PTER: variants seen among roughly 807,000 people sequenced by gnomAD.
PTER encodes the protein phosphotriesterase related.
PTER carries 38 observed loss-of-function variants against 29.6 expected under a neutral mutation model. The ratio of observed to expected loss-of-function variants is 1.28; its 90% CI spans 0.99 to 1.68. The LOEUF (loss-of-function observed/expected upper bound fraction) is 1.68, where lower values mean the gene tolerates loss of function less well. PTER is among the 40% of genes most tolerant of loss of function. PTER has a pLI of 0.00. For missense variants in PTER, 482 were observed against 427.8 expected, an observed-to-expected ratio of 1.13 and a Z score of -1.12; for synonymous variants, 172 against 154.5, an observed-to-expected ratio of 1.11 and a Z score of -0.84.
At chr10:16,501,521 G>A (rs997148317) in intron 3 of PTER, among the ~76,000 whole-genome samples, 6 of 152,078 alleles carry the variant, frequency 3.9e-5, no homozygotes, top group African/African-American at 1.4e-4. Context: ...CTCTGACTTA[G>A]CAGTTAAAAA....
downstream of PTER, chr10:16,514,516 G>T: frequency 6.2e-7 from 1 of 1,609,592 alleles, no homozygotes; most frequent in Non-Finnish European, 8.5e-7. Flanking sequence ...AATAAGCTTA[G>T]TTTCTGCATT....
chr10:16,462,247 A>G (rs1448864627), intron 1 of PTER, among the ~76,000 whole-genome samples: 5 of 152,066 alleles, frequency 3.3e-5, no homozygotes, highest in Non-Finnish European at 5.9e-5. Context: ...CGGCCTCCCA[A>G]AGTGCTGGGA....
chr10:16,453,378 A>G (rs1834283732), intron 1 of PTER, among the ~76,000 whole-genome samples: 1 of 152,202 alleles, frequency 6.6e-6, no homozygotes, highest in African/African-American at 2.4e-5. Context: ...ATACATATAT[A>G]TAATACATAT....
chr10:16,476,425 G>C lies in PTER; in HGVS notation c.-48-7912G>C, dbSNP rs187557709. 3.5e-3 allele frequency among the ~76,000 whole-genome samples: 537 copies of C among 152,104 alleles called. 5 individuals are homozygous for C. The highest frequency in any genetic ancestry group is 0.012 in the African/African-American group (500 of 41,498). ...GGTGCTTTTAGGTATCGTTTTACTT[G>C]CTTTTTATTTCAAATCTTATGTGGT... On this transcript the variant is annotated intron_variant, in intron 1 of 4. Transcript: ENST00000535784.
chr10:16,463,058 C>T lies in PTER; in HGVS notation c.-48-21279C>T, dbSNP rs373853740. 3.6e-3 allele frequency among the ~76,000 whole-genome samples: 540 copies of T among 151,792 alleles called. 5 individuals carry two copies. Among genetic ancestry groups the T allele is most frequent in the African/African-American group, 0.012 (499 of 41,484 alleles). ...AATACAAAAAATTAGTCGGGCTTGA[C>T]GGCAGGCACCTGTAGTCTCAGCTAC... On this transcript the variant is annotated intron_variant, in intron 1 of 4. Coordinates refer to ENST00000535784, the MANE Select transcript of PTER (RefSeq NM_001261836.2).
At chr10:16,437,956 T>G (rs1452319231) in intron 1 of PTER, among the ~76,000 whole-genome samples, 6 of 152,122 alleles carry the variant, frequency 3.9e-5, no homozygotes, top group Non-Finnish European at 8.8e-5. Flanking sequence ...CCAGAAAGAG[T>G]AGAGCCCTAT....
chr10:16,460,784 G>A (rs1834583496), intron 1 of PTER, among the ~76,000 whole-genome samples: 1 of 151,872 alleles, frequency 6.6e-6, no homozygotes, highest in South Asian at 2.1e-4. Flanking sequence ...TGTTGCCCAG[G>A]CATCCTACTG....
At chr10:16,508,836 G>C (rs1028189555) in intron 4 of PTER, among the ~76,000 whole-genome samples, 7 of 152,120 alleles carry the variant, frequency 4.6e-5, no homozygotes, top group African/African-American at 1.4e-4. Flanking sequence ...GTGTGCTCCA[G>C]TACCCACTGT....
the PTER span, among the ~76,000 whole-genome samples, chr10:16,518,918 T>C: frequency 6.6e-6 from 1 of 152,106 alleles, no homozygotes; most frequent in African/African-American, 2.4e-5. Context: ...CTGCCCGTTT[T>C]AGCCATTTGC....
At chr10:16,491,388 AG>A (rs1358512244) in intron 3 of PTER, among the ~76,000 whole-genome samples, 1 of 152,210 alleles carries the variant, frequency 6.6e-6, no homozygotes, top group Non-Finnish European at 1.5e-5. Context: ...GTTCACAGCA[AG>A]ACAGTGGCCA....
intron 1 of PTER, among the ~76,000 whole-genome samples, chr10:16,474,386 C>T (rs1271213284): frequency 6.6e-6 from 1 of 152,184 alleles, no homozygotes; most frequent in Non-Finnish European, 1.5e-5. Context: ...AAATCTAACA[C>T]TCAAATAATT....
At chr10:16,502,550 T>C (rs1403273205) in intron 3 of PTER, among the ~76,000 whole-genome samples, 1 of 152,082 alleles carries the variant, frequency 6.6e-6, no homozygotes, top group Non-Finnish European at 1.5e-5. Flanking sequence ...GTTATGCTAA[T>C]TTGGTGAATA....
At chr10:16,473,645 G>A (rs139040890) in intron 1 of PTER, among the ~76,000 whole-genome samples, 1 of 149,400 alleles carries the variant, frequency 6.7e-6, no homozygotes, top group East Asian at 2.0e-4. Flanking sequence ...GCCGAATGCT[G>A]TAAACGCTCA....
intron 3 of PTER, among the ~76,000 whole-genome samples, chr10:16,492,920 T>C (rs1426077083): frequency 2.0e-5 from 3 of 152,214 alleles, no homozygotes; most frequent in Admixed American, 2.0e-4. Flanking sequence ...TCCCTTTGCC[T>C]CTGATCATTC....
chr10:16,470,963 C>T (rs1381855229), intron 1 of PTER, among the ~76,000 whole-genome samples: 1 of 152,140 alleles, frequency 6.6e-6, no homozygotes, highest in East Asian at 1.9e-4. Flanking sequence ...TCCATTTCCG[C>T]TGCTAACCCC....
At chr10:16,508,056 CT>C (rs989254822) in intron 4 of PTER, among the ~76,000 whole-genome samples, 4 of 146,244 alleles carry the variant, frequency 2.7e-5, no homozygotes, top group African/African-American at 1.0e-4. Flanking sequence ...TTTCTTTTTT[CT>C]TTTTTTCTTT....
chr10:16,514,133 A>T, downstream of PTER: 1 of 397,358 alleles, frequency 2.5e-6, no homozygotes, highest in Non-Finnish European at 4.4e-6. Flanking sequence ...GTATCATAAT[A>T]AGCAGGTAAA....
At chr10:16,475,896 C>A (rs1040230722) in intron 1 of PTER, 2 of 152,020 alleles carry the variant, frequency 1.3e-5, no homozygotes, top group Admixed American at 1.3e-4. Flanking sequence ...AAACTTAAGC[C>A]CCTTATTGCT....
At chr10:16,495,017 T>A (rs1435188933) in intron 3 of PTER, among the ~76,000 whole-genome samples, 1 of 152,166 alleles carries the variant, frequency 6.6e-6, no homozygotes, top group Non-Finnish European at 1.5e-5. Context: ...TTTAGGTTAT[T>A]AAGTCTATAA....
Sources: gnomAD v4.1 joint callset for allele counts (sites outside exome capture counted in the v4.1 genomes callset) on GRCh38, gnomAD v4.1.1 for gene constraint, MANE v1.5 for transcripts, NCBI Gene and HGNC (gene_info 2026-07-23, HGNC 2026-07-21) for gene names.